Variants in PKNOX2 observed in about 807,000 individuals in gnomAD.
The protein encoded by PKNOX2 is homeobox protein PKNOX2.
Under a neutral mutation model 53.1 loss-of-function variants are expected in PKNOX2, and 14 were observed. The ratio of observed to expected loss-of-function variants is 0.26; its 90% confidence interval spans 0.17 to 0.41. The LOEUF is 0.41. Among genes scored for constraint, PKNOX2 ranks in the 10% least tolerant of loss-of-function variants. PKNOX2 has a pLI of 1.00. For synonymous variants in PKNOX2, 257 were observed against 242.8 expected, an observed-to-expected ratio of 1.06 and a Z score of -0.54; for missense variants, 496 against 602.8, an observed-to-expected ratio of 0.82 and a Z score of 1.85.
At chr11:125,318,291 T>G (rs1949325881) in intron 2 of PKNOX2, among the ~76,000 whole-genome samples, 1 of 150,910 alleles carries the variant, frequency 6.6e-6, no homozygotes, top group African/African-American at 2.4e-5. Context: ...TTTTTTTTTT[T>G]TGTATTTTTA....
chr11:125,334,773 A>AT (rs112661411), intron 3 of PKNOX2, among the ~76,000 whole-genome samples: 25,605 of 145,094 alleles, frequency 0.18, 4,058 homozygotes, highest in African/African-American at 0.43. Context: ...TGATTTTTGT[A>AT]TTTTTTTTTT....
chr11:125,394,082 G>T (rs1379081111), intron 6 of PKNOX2, among the ~76,000 whole-genome samples: 2 of 152,180 alleles, frequency 1.3e-5, no homozygotes, highest in Non-Finnish European at 2.9e-5. Flanking sequence ...ATAAGGCCTG[G>T]AATGGGCTTA....
intron 2 of PKNOX2, among the ~76,000 whole-genome samples, chr11:125,241,701 G>A (rs968058193): frequency 6.6e-6 from 1 of 152,010 alleles, no homozygotes; most frequent in Non-Finnish European, 1.5e-5. Context: ...CTAAAAATAC[G>A]AAAATTAGCC....
intron 1 of PKNOX2, 63 bp from the exon 2 acceptor site, chr11:125,234,982 A>G (rs1177829521): frequency 6.6e-6 from 1 of 152,596 alleles, no homozygotes; most frequent in African/African-American, 2.4e-5. Context: ...CCCCTTCCCC[A>G]TCCTGGCTTT....
intron 10 of PKNOX2, among the ~76,000 whole-genome samples, chr11:125,417,484 G>A (rs1171726932): frequency 6.6e-6 from 1 of 151,982 alleles, no homozygotes; most frequent in Non-Finnish European, 1.5e-5. Context: ...ACCCTAGGAG[G>A]AGGTAATACA....
At chr11:125,187,266 TA>T (rs1302301843) in intron 1 of PKNOX2, among the ~76,000 whole-genome samples, 1 of 152,120 alleles carries the variant, frequency 6.6e-6, no homozygotes, top group Non-Finnish European at 1.5e-5. Flanking sequence ...GGAATTCTGA[TA>T]GGGATTTCTT....
At chr11:125,316,571 A>G (rs1949208139) in intron 2 of PKNOX2, among the ~76,000 whole-genome samples, 1 of 152,240 alleles carries the variant, frequency 6.6e-6, no homozygotes, top group African/African-American at 2.4e-5. Context: ...AGCAAGTCAC[A>G]TGAATCTTTT....
chr11:125,224,053 T>G (rs761664934), intron 1 of PKNOX2, among the ~76,000 whole-genome samples: 1 of 152,250 alleles, frequency 6.6e-6, no homozygotes, highest in Non-Finnish European at 1.5e-5. Context: ...CACACAGCTT[T>G]TCCCCTTTGC....
intron 2 of PKNOX2, among the ~76,000 whole-genome samples, chr11:125,310,668 T>C (rs1348771329): frequency 6.6e-6 from 1 of 152,194 alleles, no homozygotes; most frequent in African/African-American, 2.4e-5. Flanking sequence ...CTATTTGTTT[T>C]CATCAGTTCA....
intron 2 of PKNOX2, among the ~76,000 whole-genome samples, chr11:125,255,156 G>A (rs1411278414): frequency 6.6e-6 from 1 of 152,214 alleles, no homozygotes; most frequent in Non-Finnish European, 1.5e-5. Context: ...CCACATGGCT[G>A]GTTAGTGCGC....
At chr11:125,225,202 C>T (rs1322178504) in intron 1 of PKNOX2, among the ~76,000 whole-genome samples, 3 of 152,172 alleles carry the variant, frequency 2.0e-5, no homozygotes, top group African/African-American at 2.4e-5. Flanking sequence ...GGGGAGAACC[C>T]GTCCTGCAGG....
At chr11:125,201,819 T>C (rs1938472638) in intron 1 of PKNOX2, among the ~76,000 whole-genome samples, 1 of 152,238 alleles carries the variant, frequency 6.6e-6, no homozygotes. Flanking sequence ...TTTTAGTTTC[T>C]TTCCTGCTGG....
Position 125,181,427 on chromosome 11 carries a change from G to A in PKNOX2, c.-201+16651G>A, listed in dbSNP as rs1956151806. On this transcript the variant is annotated intron_variant, in intron 1 of 12. Transcript: ENST00000298282. Reference sequence around the variant, plus strand: ...GCTGCCTGAAGGAAGCAGAATGTTTGGATAGCAGGAGAGAGGCTTTGCCCT... The same window carrying A: ...GCTGCCTGAAGGAAGCAGAATGTTTAGATAGCAGGAGAGAGGCTTTGCCCT... Among the ~76,000 whole-genome samples, 3 of 152,226 alleles carry A rather than the reference G, an allele frequency of 2.0e-5. No homozygotes were observed. The South Asian group carries it at 6.2e-4, about 31-fold the overall frequency.
At chr11:125,167,053 G>A (rs1273103181) in intron 1 of PKNOX2, among the ~76,000 whole-genome samples, 2 of 152,056 alleles carry the variant, frequency 1.3e-5, no homozygotes, top group Non-Finnish European at 2.9e-5. Flanking sequence ...CGGGGAGGGA[G>A]GGTCCCGTTT....
At chr11:125,258,930 G>A in intron 2 of PKNOX2, 1 of 333,230 alleles carries the variant, frequency 3.0e-6, no homozygotes, top group South Asian at 2.2e-5. Flanking sequence ...AGTGACAGAA[G>A]CCGTGAAAAC....
intron 2 of PKNOX2, among the ~76,000 whole-genome samples, chr11:125,292,187 G>A (rs1198642048): frequency 2.0e-5 from 3 of 152,110 alleles, no homozygotes; most frequent in Non-Finnish European, 2.9e-5. Flanking sequence ...CTTTCTCCCC[G>A]GCTTAGGTCG....
chr11:125,238,934 G>C (rs1227507124), intron 2 of PKNOX2, among the ~76,000 whole-genome samples: 1 of 152,136 alleles, frequency 6.6e-6, no homozygotes, highest in Non-Finnish European at 1.5e-5. Flanking sequence ...TTGGCCTTTG[G>C]CTTCCTCATC....
intron 10 of PKNOX2, among the ~76,000 whole-genome samples, chr11:125,419,452 G>GAAA (rs11309457): frequency 7.3e-6 from 1 of 137,762 alleles, no homozygotes; most frequent in Non-Finnish European, 1.5e-5. Context: ...GAAAAAAAAA[G>GAAA]AAAAAAAAAA....
intron 2 of PKNOX2, among the ~76,000 whole-genome samples, chr11:125,242,856 C>A (rs1018346225): frequency 1.3e-5 from 2 of 152,134 alleles, no homozygotes; most frequent in Non-Finnish European, 2.9e-5. Flanking sequence ...GCTGAGCCTG[C>A]AGTGTTTCTA....
Sources: allele counts gnomAD v4.1 joint callset (sites outside exome capture counted in the v4.1 genomes callset), GRCh38; gene constraint gnomAD v4.1.1; transcripts MANE v1.5; gene names NCBI Gene and HGNC (gene_info 2026-07-23, HGNC 2026-07-21).